Variants in TRPM2 observed in about 807,000 individuals in gnomAD.
The protein encoded by TRPM2 is transient receptor potential cation channel subfamily M member 2, also known as estrogen-responsive element-associated gene 1 protein.
A neutral mutation model predicts 174.0 loss-of-function variants in TRPM2; 161 were observed. That is an observed-to-expected ratio of 0.93 (90% CI 0.81 to 1.05). TRPM2 has a LOEUF of 1.05. Ranked by LOEUF, TRPM2 falls within the 50% of genes least tolerant of loss-of-function variation. The pLI is 0.00. For synonymous variants in TRPM2, 954 were observed against 861.3 expected (o/e 1.11, Z -1.88); for missense variants, 2,057 against 2,038.0 (o/e 1.01, Z -0.18).
chr21:44,394,159 G>A (rs530762954), intron 11 of TRPM2, among the ~76,000 whole-genome samples: 1 of 152,116 alleles, frequency 6.6e-6, no homozygotes, highest in African/African-American at 2.4e-5. Context: ...GTGAGCCACC[G>A]TGCCAGGCCG....
At chr21:44,353,577 C>A, upstream of TRPM2, 1 of 1,250,716 alleles carries the variant, frequency 8.0e-7, no homozygotes, top group Non-Finnish European at 1.0e-6. Context: ...TCAGCCTCAT[C>A]TTCCTGTCTC....
At chr21:44,392,370 GCCT>G (rs748392687) in intron 11 of TRPM2, among the ~76,000 whole-genome samples, 13 of 150,256 alleles carry the variant, frequency 8.7e-5, no homozygotes, top group Non-Finnish European at 1.6e-4. Flanking sequence ...CAATCCTCCT[GCCT>G]CCGTCTCTTG....
chr21:44,438,323 A>G lies in TRPM2; in HGVS notation c.4168-744A>G, dbSNP rs8128434. 0.87 allele frequency among the ~76,000 whole-genome samples: 132,539 copies of G among 152,214 alleles called. 57,880 individuals are homozygous for G. Among genetic ancestry groups the G allele is most frequent in the East Asian group, 0.93 (4,828 of 5,168 alleles). Reference sequence around the variant, plus strand: ...TGGCCTCTCCATGCGGGGTGCGTGGAGTTGGGTTTGGGGGTCCCACTCACT... The same window carrying G: ...TGGCCTCTCCATGCGGGGTGCGTGGGGTTGGGTTTGGGGGTCCCACTCACT... On this transcript the variant is annotated intron_variant, in intron 29 of 31. Transcript: ENST00000397928. The surrounding 1 kb of genome is among the most constrained non-coding windows in gnomAD (Gnocchi z 5.9).
chr21:44,352,455 T>A (rs1014250439), upstream of TRPM2, among the ~76,000 whole-genome samples: 1 of 152,250 alleles, frequency 6.6e-6, no homozygotes, highest in African/African-American at 2.4e-5. Flanking sequence ...CTCAGTCACC[T>A]AATGTGATGA....
At chr21:44,416,573 T>C (rs1314724951) in intron 20 of TRPM2, 1 of 178,820 alleles carries the variant, frequency 5.6e-6, no homozygotes, top group Non-Finnish European at 1.2e-5. Flanking sequence ...GTCTGTCTCC[T>C]GATAAACACC....
Position 44,441,700 on chromosome 21 carries a change from C to A in TRPM2, c.4395C>A (p.His1465Gln). The stretch of plus-strand genomic sequence containing the variant: ...TGCCCTTGTTCTTCCAGAACCTGCA[C>A]GCCTGCGACTCGGGGGCCTCCATCC... ...VELNRLNSNL[H>Q]ACDSGASIRW... is the part of the protein sequence containing the mutation. Residue 1465 changes from histidine (H) to glutamine (Q), a missense_variant, in exon 32 of 32, where the codon CAC (histidine) becomes CAA (glutamine). His to Gln is a conservative substitution (Grantham distance 24, BLOSUM62 0). Transcript: ENST00000397928. 3 of 1,609,858 alleles carry A rather than the reference C, an allele frequency of 1.9e-6. No homozygotes were observed. Among genetic ancestry groups the A allele is most frequent in the Non-Finnish European group, 2.5e-6 (3 of 1,178,306 alleles).
intron 18 of TRPM2, among the ~76,000 whole-genome samples, 193 bp downstream of exon 18, chr21:44,406,230 C>T (rs1258844654): frequency 6.6e-6 from 1 of 152,108 alleles, no homozygotes; most frequent in East Asian, 1.9e-4. Context: ...TCCAGGAAGC[C>T]TTCCCTCATT....
chr21:44,409,875 A>T (rs62218773), intron 19 of TRPM2, among the ~76,000 whole-genome samples: 21 of 137,974 alleles, frequency 1.5e-4, no homozygotes, highest in Non-Finnish European at 2.8e-4. Flanking sequence ...CTTGGCGTAG[A>T]CTTGTAGTAA....
rs45492693 is a variant in TRPM2 at position 44,394,991 on chromosome 21, T to C, written c.1795-423T>C. On this transcript the variant is annotated intron_variant, in intron 11 of 31. Transcript: ENST00000397928. Reference sequence around the variant, plus strand: ...TGAGCCATATTGCCCACCTGACAGATCTTTCCTAGTGGCCTCTCTGCCAGA... The same window carrying C: ...TGAGCCATATTGCCCACCTGACAGACCTTTCCTAGTGGCCTCTCTGCCAGA... Among the ~76,000 whole-genome samples the C allele has an allele frequency of 9.0e-3, 1,374 of 152,282 alleles. 24 individuals are homozygous for C. The highest frequency in any genetic ancestry group is 0.031 in the African/African-American group (1,295 of 41,538).
Position 44,364,265 on chromosome 21 carries a change from A to G in TRPM2, c.406A>G (p.Ser136Gly). Residue 136 changes from serine to glycine, a missense_variant, in exon 3 of 32, where the codon AGC becomes GGC. Transcript: ENST00000397928. ...AFGDIVFTGL[S>G]QKVKKYVRVS... ...TGGCGACATCGTCTTCACGGGCCTG[A>G]GCCAGAAGGTGAAAAAGGTTGGTTT... is the stretch of plus-strand genomic sequence containing the variant. 1.2e-6 allele frequency: 2 copies of G among 1,614,192 alleles called. No homozygotes were observed. The highest frequency in any genetic ancestry group is 1.7e-6 in the Non-Finnish European group (2 of 1,180,034).
chr21:44,374,312 G>A (rs1240980619), intron 5 of TRPM2, among the ~76,000 whole-genome samples: 5 of 151,972 alleles, frequency 3.3e-5, no homozygotes, highest in African/African-American at 7.3e-5. Flanking sequence ...TGCCTGGCCC[G>A]TATATATATT....
chr21:44,354,413 C>T lies in TRPM2; in HGVS notation c.166-235C>T, dbSNP rs113137036. 2.6e-4 allele frequency among the ~76,000 whole-genome samples: 40 copies of T among 152,288 alleles called. No individual in the cohort carries two copies. Among genetic ancestry groups the T allele is most frequent in the African/African-American group, 7.0e-4 (29 of 41,556 alleles). ...GGTGCTGTAGAAACTGTAAAGTGCGCGCACATTCAAAATGGTCCCAAGAGG... is the reference window on the plus strand; with the variant it reads ...GGTGCTGTAGAAACTGTAAAGTGCGTGCACATTCAAAATGGTCCCAAGAGG... On this transcript the variant is annotated intron_variant, in intron 1 of 31. Transcript: ENST00000397928. The surrounding 1 kb of genome is among the most constrained non-coding windows in gnomAD (Gnocchi z 4.3).
At chr21:44,395,669 G>C in intron 12 of TRPM2, 118 bp downstream of exon 12, 1 of 452,566 alleles carries the variant, frequency 2.2e-6, no homozygotes, top group Non-Finnish European at 3.6e-6. Flanking sequence ...GGAGGCTGTG[G>C]AGGGGTGTGG....
intron 25 of TRPM2, 118 bp downstream of exon 25, chr21:44,425,945 G>T: frequency 1.6e-6 from 2 of 1,272,054 alleles, no homozygotes; most frequent in Non-Finnish European, 2.0e-6. Context: ...AGCCACAGGG[G>T]GATCTGTGCG....
chr21:44,418,490 C>T lies in TRPM2; in HGVS notation c.3396C>T (p.Tyr1132=), dbSNP rs1354785710. 1.2e-6 allele frequency: 2 copies of T among 1,614,132 alleles called. No individual in the cohort carries two copies. The highest frequency in any genetic ancestry group is 4.5e-5 in the East Asian group (2 of 44,876). ...LSWEIYLKEN[Y]LQNRQFQQKQ... is the part of the protein sequence containing the mutation. ...GGGAGATCTACCTGAAGGAGAACTACCTCCAGAACCGACAGTTCCAGCAAA... is the reference window on the plus strand; with the variant it reads ...GGGAGATCTACCTGAAGGAGAACTATCTCCAGAACCGACAGTTCCAGCAAA... Residue 1132 remains tyrosine (Y), a synonymous_variant, in exon 22 of 32, where the codon TAC becomes TAT. Transcript: ENST00000397928.
chr21:44,437,254 C>A, intron 29 of TRPM2, 87 bp downstream of exon 29: 1 of 1,301,586 alleles, frequency 7.7e-7, no homozygotes, highest in Non-Finnish European at 1.1e-6. Flanking sequence ...GGACTGGACA[C>A]CAGCCCCCTG....
chr21:44,417,016 T>C (rs1188143247), intron 20 of TRPM2, among the ~76,000 whole-genome samples: 1 of 123,586 alleles, frequency 8.1e-6, no homozygotes, highest in Non-Finnish European at 1.7e-5. Flanking sequence ...CTCTGCTCTC[T>C]GGCATCACAG....
intron 6 of TRPM2, 73 bp from the exon 7 acceptor site, chr21:44,377,639 T>A: frequency 6.3e-7 from 1 of 1,594,434 alleles, no homozygotes; most frequent in Non-Finnish European, 8.6e-7. Context: ...CCATGCTTTG[T>A]TCAGGTGTGG....
chr21:44,435,040 A>G, intron 27 of TRPM2, 91 bp from the exon 28 acceptor site: 1 of 1,295,724 alleles, frequency 7.7e-7, no homozygotes, highest in Non-Finnish European at 1.1e-6. Context: ...CCGGCTCCTG[A>G]CGCCCGCTGT....
Sources: gnomAD v4.1 joint callset for allele counts (sites outside exome capture counted in the v4.1 genomes callset) on GRCh38, gnomAD v4.1.1 for gene constraint, Gnocchi (gnomAD v3.1) non-coding constraint, MANE v1.5 for transcripts, NCBI Gene and HGNC (gene_info 2026-07-23, HGNC 2026-07-21) for gene names.